Variants in GARIN5B observed in about 807,000 individuals in gnomAD.
GARIN5B encodes the protein golgi associated RAB2 interactor family member 5B.
the GARIN5B span, chr19:55,360,869 GGT>G: frequency 1.9e-6 from 3 of 1,547,582 alleles, no homozygotes; most frequent in Non-Finnish European, 2.6e-6. Flanking sequence ...AGCGGATTTG[GGT>G]GTGAGTTCTG....
At chr19:55,358,370 G>A in the GARIN5B span, 75 of 1,513,866 alleles carry the variant, frequency 5.0e-5, no homozygotes, top group South Asian at 1.0e-4. Flanking sequence ...GAGGGTCTCC[G>A]AGAGGGGCGA....
the GARIN5B span, chr19:55,360,707 G>A: frequency 6.4e-7 from 1 of 1,551,636 alleles, no homozygotes; most frequent in Non-Finnish European, 8.7e-7. Context: ...GGAGAGGACT[G>A]TGTCTGGTTG....
the GARIN5B span, chr19:55,359,558 G>A: frequency 6.4e-7 from 1 of 1,551,474 alleles, no homozygotes; most frequent in Non-Finnish European, 8.7e-7. Flanking sequence ...CTGGGGAGGA[G>A]CCAATCCAGG....
chr19:55,359,070 C>T, the GARIN5B span: 1 of 1,551,392 alleles, frequency 6.4e-7, no homozygotes, highest in Non-Finnish European at 8.7e-7. Context: ...GTCATCTCCA[C>T]CACGTCTGTC....
At chr19:55,359,768 G>A in the GARIN5B span, 35 of 1,551,208 alleles carry the variant, frequency 2.3e-5, no homozygotes, top group African/African-American at 2.2e-4. Flanking sequence ...GCAGGCAGCC[G>A]GGGGATAGGG....
chr19:55,355,254 G>T, the GARIN5B span: 1 of 1,485,306 alleles, frequency 6.7e-7, no homozygotes, highest in Non-Finnish European at 9.1e-7. Context: ...GGGTCTTAAA[G>T]GGTACCTGGC....
the GARIN5B span, chr19:55,362,905 G>A: frequency 4.7e-6 from 7 of 1,494,370 alleles, no homozygotes; most frequent in Admixed American, 4.9e-5. Context: ...CGGGGCACTG[G>A]GAACTGGAGA....
the GARIN5B span, chr19:55,358,270 C>CA: frequency 6.4e-7 from 1 of 1,550,990 alleles, no homozygotes; most frequent in East Asian, 2.4e-5. Context: ...CCACAGTGGC[C>CA]AGGGGGTGCT....
the GARIN5B span, chr19:55,360,693 C>T: frequency 1.3e-6 from 2 of 1,551,402 alleles, no homozygotes; most frequent in Non-Finnish European, 1.7e-6. Context: ...TAAGGCTGGC[C>T]TTTGGAGAGG....
the GARIN5B span, chr19:55,355,405 C>T: frequency 1.3e-6 from 2 of 1,526,976 alleles, no homozygotes; most frequent in Non-Finnish European, 1.8e-6. Flanking sequence ...GAGAGGGGTA[C>T]CCAGGGCTTT....
the GARIN5B span, chr19:55,355,427 A>T: frequency 7.0e-7 from 1 of 1,429,404 alleles, no homozygotes; most frequent in Admixed American, 2.0e-5. Context: ...AGAGCTGCAG[A>T]TGCCTGGCTT....
At chr19:55,363,167 T>TCAA in the GARIN5B span, 1 of 1,245,470 alleles carries the variant, frequency 8.0e-7, no homozygotes, top group Non-Finnish European at 1.1e-6. The surrounding 1 kb of genome is among the most constrained non-coding windows in gnomAD (Gnocchi z 4.0). Context: ...GCTTCACGGG[T>TCAA]GCCTGGAGCT....
the GARIN5B span, among the ~76,000 whole-genome samples, chr19:55,356,674 C>A: frequency 6.6e-6 from 1 of 152,156 alleles, no homozygotes; most frequent in South Asian, 2.1e-4. Context: ...TTAATGTACC[C>A]CTTAAAGTGG....
the GARIN5B span, chr19:55,358,586 G>A: frequency 9.0e-6 from 14 of 1,551,280 alleles, no homozygotes; most frequent in South Asian, 1.2e-5. Flanking sequence ...CCAGGTGTGC[G>A]ACTCTGGCTG....
the GARIN5B span, chr19:55,359,528 G>C: frequency 6.4e-7 from 1 of 1,551,314 alleles, no homozygotes. Context: ...CCGGGGAGGA[G>C]CTGACGCAGC....
chr19:55,363,173 G>A, the GARIN5B span: 2 of 1,211,664 alleles, frequency 1.7e-6, no homozygotes, highest in South Asian at 1.9e-5. The surrounding 1 kb of genome is among the most constrained non-coding windows in gnomAD (Gnocchi z 4.0). Context: ...CGGGTGCCTG[G>A]AGCTCAGCGT....
chr19:55,359,075 T>C, the GARIN5B span: 17 of 1,551,232 alleles, frequency 1.1e-5, no homozygotes, highest in Non-Finnish European at 1.5e-5. Context: ...CTCCACCACG[T>C]CTGTCTCCTG....
chr19:55,358,386 G>GT, the GARIN5B span: 3 of 1,508,156 alleles, frequency 2.0e-6, no homozygotes, highest in Non-Finnish European at 2.7e-6. Flanking sequence ...GGCGATGGCC[G>GT]TAAGTCCTCC....
the GARIN5B span, chr19:55,362,887 C>T: frequency 6.7e-7 from 1 of 1,481,576 alleles, no homozygotes; most frequent in Non-Finnish European, 9.0e-7. Context: ...CTCTGTCCCT[C>T]TCAGCCCCGG....
Sources: gnomAD v4.1 joint callset for allele counts (sites outside exome capture counted in the v4.1 genomes callset) on GRCh38, gnomAD v4.1.1 for gene constraint, Gnocchi (gnomAD v3.1) non-coding constraint, MANE v1.5 for transcripts, NCBI Gene and HGNC (gene_info 2026-07-23, HGNC 2026-07-21) for gene names.